TRPM3: variants seen among roughly 807,000 people sequenced by gnomAD.
TRPM3 encodes transient receptor potential cation channel subfamily M member 3.
TRPM3 carries 77 observed loss-of-function variants against 181.2 expected under a neutral mutation model. The ratio of observed to expected loss-of-function variants is 0.42; its 90% confidence interval spans 0.35 to 0.51. TRPM3 has a LOEUF of 0.51. TRPM3 is among the 20% of genes least tolerant of loss of function. The probability of loss-of-function intolerance (pLI) is 0.01; values close to 1 mark genes in which losing one functional copy is unlikely to be tolerated. For synonymous variants in TRPM3, 745 were observed against 796.4 expected, an observed-to-expected ratio of 0.94 and a Z score of 1.09; for missense variants, 1,759 against 2,196.7, an observed-to-expected ratio of 0.80 and a Z score of 3.98.
At chr9:70,786,792 C>T (rs557675936) in intron 6 of TRPM3, among the ~76,000 whole-genome samples, 1 of 152,260 alleles carries the variant, frequency 6.6e-6, no homozygotes, top group South Asian at 2.1e-4. Context: ...ATACCCTATA[C>T]CTGCTGTTTT....
At chr9:71,303,806 T>G (rs1187774996) in intron 1 of TRPM3, among the ~76,000 whole-genome samples, 1 of 152,052 alleles carries the variant, frequency 6.6e-6, no homozygotes, top group Non-Finnish European at 1.5e-5. Flanking sequence ...TTTAAATAGG[T>G]TTTTAATAGA....
intron 5 of TRPM3, among the ~76,000 whole-genome samples, chr9:70,840,350 C>G (rs1200497766): frequency 6.6e-6 from 1 of 152,096 alleles, no homozygotes; most frequent in Non-Finnish European, 1.5e-5. Context: ...ACTGTCTTTC[C>G]TGTGTTCTCT....
intron 8 of TRPM3, among the ~76,000 whole-genome samples, chr9:70,682,700 A>G (rs2065778557): frequency 6.6e-6 from 1 of 152,180 alleles, no homozygotes; most frequent in Non-Finnish European, 1.5e-5. Context: ...AAATTTCCAA[A>G]CAATGCTTAA....
intron 1 of TRPM3, among the ~76,000 whole-genome samples, chr9:71,185,820 C>T (rs541515946): frequency 3.3e-5 from 5 of 151,996 alleles, no homozygotes; most frequent in Non-Finnish European, 7.4e-5. Flanking sequence ...ATAGAATGGA[C>T]GTGTGCATGT....
At chr9:71,292,276 A>G (rs1340947982) in intron 1 of TRPM3, among the ~76,000 whole-genome samples, 1 of 152,006 alleles carries the variant, frequency 6.6e-6, no homozygotes, top group African/African-American at 2.4e-5. Context: ...TAAAAGGAGA[A>G]TTGTATTTTA....
At chr9:71,342,748 A>T (rs115202872) in intron 1 of TRPM3, among the ~76,000 whole-genome samples, 1,996 of 152,216 alleles carry the variant, frequency 0.013, 40 homozygotes, top group African/African-American at 0.044. Context: ...AACCACACAA[A>T]AACCTGCACA....
chr9:71,427,931 A>G (rs1166805249), intron 1 of TRPM3, among the ~76,000 whole-genome samples: 1 of 152,192 alleles, frequency 6.6e-6, no homozygotes, highest in Non-Finnish European at 1.5e-5. Flanking sequence ...GAAAAAATAA[A>G]ATATAAAATA....
intron 11 of TRPM3, among the ~76,000 whole-genome samples, chr9:70,637,579 C>T (rs914910365): frequency 3.7e-4 from 56 of 151,932 alleles, no homozygotes; most frequent in African/African-American, 1.3e-3. Flanking sequence ...CTGAAAGTCT[C>T]AGTATGCTGA....
chr9:70,603,318 G>A lies in TRPM3; in HGVS notation c.2796+24C>T, dbSNP rs369068452. On this transcript the variant is annotated intron_variant, in intron 20 of 25. Coordinates refer to ENST00000677713, the MANE Select transcript of TRPM3 (RefSeq NM_001366145.2). ...AACTTAACCACTGTCTTTCTCTTAC[G>A]TTTTCTTTTATAAAAGCCGTTACCT... The A allele has an allele frequency of 2.1e-5, 33 of 1,605,748 alleles. 1 individual carries two copies. The highest frequency in any genetic ancestry group is 1.7e-4 in the Admixed American group (10 of 58,946).
chr9:70,610,506 T>G, intron 19 of TRPM3, 103 bp downstream of exon 19: 3 of 1,397,466 alleles, frequency 2.1e-6, no homozygotes, highest in Middle Eastern at 1.9e-4. Flanking sequence ...CACTCCTGTG[T>G]GTGGCACTTA....
chr9:71,102,770 G>T (rs564992364), intron 1 of TRPM3, among the ~76,000 whole-genome samples: 68 of 152,188 alleles, frequency 4.5e-4, no homozygotes, highest in African/African-American at 1.6e-3. Flanking sequence ...AAAGCAATAT[G>T]ATTAATTATT....
At chr9:70,620,040 TC>T (rs1297957967) in intron 16 of TRPM3, 35 bp downstream of exon 16, 1 of 1,568,640 alleles carries the variant, frequency 6.4e-7, no homozygotes, top group Non-Finnish European at 8.7e-7. Context: ...TTTCCTCCTC[TC>T]CCCCTGACCA....
intron 25 of TRPM3, among the ~76,000 whole-genome samples, chr9:70,541,152 AAG>A (rs1313300703): frequency 6.6e-6 from 1 of 152,122 alleles, no homozygotes; most frequent in African/African-American, 2.4e-5. Flanking sequence ...TCTTCAGGGA[AAG>A]AGAGAAGGTA....
chr9:71,017,976 T>C (rs574200826), intron 1 of TRPM3, among the ~76,000 whole-genome samples: 1 of 151,970 alleles, frequency 6.6e-6, no homozygotes, highest in Non-Finnish European at 1.5e-5. Context: ...ATCATGTAAA[T>C]GTTATGATCA....
chr9:70,962,432 C>A (rs754797142), intron 1 of TRPM3, among the ~76,000 whole-genome samples: 1 of 152,134 alleles, frequency 6.6e-6, no homozygotes, highest in Non-Finnish European at 1.5e-5. Flanking sequence ...AACTCCATTT[C>A]TTAGTGGTTG....
chr9:71,362,035 C>T (rs767554105), intron 1 of TRPM3, among the ~76,000 whole-genome samples: 3 of 152,116 alleles, frequency 2.0e-5, no homozygotes, highest in Non-Finnish European at 4.4e-5. Flanking sequence ...AATTTAAAAT[C>T]ACATACTACT....
chr9:71,279,514 T>C (rs1281679447), intron 1 of TRPM3, among the ~76,000 whole-genome samples: 1 of 152,092 alleles, frequency 6.6e-6, no homozygotes, highest in South Asian at 2.1e-4. Flanking sequence ...ACCATGCACA[T>C]GTGTTTGTGG....
rs78148104 is a variant in TRPM3, at chr9:71,048,813, C to T, written c.177+72365G>A. Among the ~76,000 whole-genome samples the T allele has an allele frequency of 7.3e-4, 111 of 152,232 alleles. 2 individuals are homozygous for T. The East Asian group carries it at 0.02, about 27-fold the overall frequency. ...ACTACCTCAGAAAGCAAAACCTCAC[C>T]TGGATGCTGATGTGAGAGGAATATC... On this transcript the variant is annotated intron_variant, in intron 1 of 25. Transcript: ENST00000677713.
Position 71,409,441 on chromosome 9 carries a change from A to C in TRPM3, c.183+37212T>G, listed in dbSNP as rs189423011. Among the ~76,000 whole-genome samples the C allele has an allele frequency of 2.3e-4, 35 of 152,334 alleles. No homozygotes were observed. In the East Asian group the frequency reaches 6.6e-3, roughly 29 times the overall value. On this transcript the variant is annotated intron_variant, in intron 1 of 24. Transcript: ENST00000357533. ...CTACCAAGCAAATGGAAAACAAAAA[A>C]AGGCAGGGGTTGCAAATCCTAGTCT...
Sources: gnomAD v4.1 joint callset for allele counts (sites outside exome capture counted in the v4.1 genomes callset) on GRCh38, gnomAD v4.1.1 for gene constraint, MANE v1.5 for transcripts, NCBI Gene and HGNC (gene_info 2026-07-23, HGNC 2026-07-21) for gene names.